The following STARD13 variants were observed in gnomAD, a reference collection of about 807,000 sequenced individuals.
The protein encoded by STARD13 is StAR related lipid transfer domain containing 13.
A neutral mutation model predicts 106.4 loss-of-function variants in STARD13; 62 were observed. That is an observed-to-expected ratio of 0.58 (90% CI 0.48 to 0.72). The LOEUF is 0.72. Ranked by LOEUF, STARD13 falls within the 30% of genes least tolerant of loss-of-function variation. STARD13 has a pLI of 0.00. For synonymous variants in STARD13, 565 were observed against 553.0 expected, an observed-to-expected ratio of 1.02 and a Z score of -0.31; for missense variants, 1,387 against 1,424.0, an observed-to-expected ratio of 0.97 and a Z score of 0.42.
At chr13:33,607,101 T>C in the STARD13 span, among the ~76,000 whole-genome samples, 1 of 151,446 alleles carries the variant, frequency 6.6e-6, no homozygotes, top group African/African-American at 2.4e-5. Context: ...CAGTTTTGTT[T>C]TTTTTTTTTT....
downstream of STARD13, among the ~76,000 whole-genome samples, chr13:33,344,059 G>A (rs1399480972): frequency 2.0e-5 from 3 of 152,124 alleles, no homozygotes; most frequent in East Asian, 3.9e-4. Context: ...AAGTTATTAT[G>A]TGGGAATTAA....
the STARD13 span, among the ~76,000 whole-genome samples, chr13:33,642,615 TTCTGGACTTCAGTTTCCTGA>T: frequency 1.3e-5 from 2 of 152,160 alleles, no homozygotes; most frequent in Non-Finnish European, 2.9e-5. Context: ...CTGCTTAATT[TTCTGGACTTCAGTTTCCTGA>T]TCTCAAACAT....
At chr13:33,534,382 A>C in the STARD13 span, among the ~76,000 whole-genome samples, 3 of 152,224 alleles carry the variant, frequency 2.0e-5, no homozygotes, top group African/African-American at 7.2e-5. Flanking sequence ...GCAGTTTAAG[A>C]ATGTTATGCA....
At chr13:33,451,269 A>G in the STARD13 span, among the ~76,000 whole-genome samples, 1 of 152,224 alleles carries the variant, frequency 6.6e-6, no homozygotes, top group Non-Finnish European at 1.5e-5. Context: ...GGGCTAGATA[A>G]TAAAATACTT....
At chr13:33,625,568 A>AAAAT in the STARD13 span, among the ~76,000 whole-genome samples, 18,100 of 151,656 alleles carry the variant, frequency 0.12, 2,753 homozygotes, top group African/African-American at 0.36. Context: ...GACTGTCTCA[A>AAAAT]AAATAAATAA....
the STARD13 span, among the ~76,000 whole-genome samples, chr13:33,538,651 T>C: frequency 4.0e-5 from 6 of 150,524 alleles, no homozygotes; most frequent in Non-Finnish European, 5.9e-5. Context: ...TTTTTTTTCA[T>C]AAACAAAGAC....
intron 3 of STARD13, among the ~76,000 whole-genome samples, chr13:33,149,159 T>C (rs1417833975): frequency 6.6e-6 from 1 of 152,088 alleles, no homozygotes; most frequent in Non-Finnish European, 1.5e-5. Context: ...ACAGAATATA[T>C]AACACCAAGT....
At chr13:33,408,049 C>T in the STARD13 span, among the ~76,000 whole-genome samples, 1 of 152,206 alleles carries the variant, frequency 6.6e-6, no homozygotes, top group African/African-American at 2.4e-5. Flanking sequence ...CTGTGGTACA[C>T]CCTCAGAGCA....
chr13:33,451,588 C>T, the STARD13 span, among the ~76,000 whole-genome samples: 7 of 152,100 alleles, frequency 4.6e-5, no homozygotes, highest in East Asian at 1.4e-3. Context: ...TACTTTTATA[C>T]ACATTGAGTT....
At chr13:33,661,214 G>T in the STARD13 span, 5 of 152,200 alleles carry the variant, frequency 3.3e-5, no homozygotes, top group African/African-American at 1.2e-4. Context: ...GATATGGAGT[G>T]ACCTAAACTG....
chr13:33,312,843 G>T (rs1421896629), intron 1 of STARD13, among the ~76,000 whole-genome samples: 1 of 152,146 alleles, frequency 6.6e-6, no homozygotes, highest in Non-Finnish European at 1.5e-5. Context: ...AACAACATTT[G>T]TAATAATAAA....
upstream of STARD13, among the ~76,000 whole-genome samples, chr13:33,289,729 T>C (rs528261075): frequency 2.0e-3 from 306 of 152,102 alleles, no homozygotes; most frequent in African/African-American, 7.2e-3. Context: ...TAAAATCCCG[T>C]GGTGATTGAG....
At chr13:33,112,966 C>G in intron 8 of STARD13, 35 bp from the exon 9 acceptor site, 9 of 1,547,706 alleles carry the variant, frequency 5.8e-6, no homozygotes, top group Non-Finnish European at 7.9e-6. Context: ...ATTGGAGGAG[C>G]AGACATAGAA....
chr13:33,549,687 C>A, the STARD13 span, among the ~76,000 whole-genome samples: 2 of 152,180 alleles, frequency 1.3e-5, no homozygotes, highest in African/African-American at 4.8e-5. Context: ...TAATTAGAGC[C>A]GCATTATTGC....
the STARD13 span, among the ~76,000 whole-genome samples, chr13:33,434,928 A>AGGAAGGAC: frequency 6.6e-6 from 1 of 151,848 alleles, no homozygotes; most frequent in Non-Finnish European, 1.5e-5. Context: ...GAAGGAAGGA[A>AGGAAGGAC]GGAAGGAAGG....
chr13:33,371,591 A>G, the STARD13 span, among the ~76,000 whole-genome samples: 1 of 152,224 alleles, frequency 6.6e-6, no homozygotes. Context: ...AGTAAAAACG[A>G]CACTGCACGG....
intron 1 of STARD13, among the ~76,000 whole-genome samples, chr13:33,170,523 A>C (rs916214825): frequency 6.6e-6 from 1 of 152,194 alleles, no homozygotes; most frequent in African/African-American, 2.4e-5. Flanking sequence ...AACCCAGATA[A>C]ATCAATCATT....
At chr13:33,375,542 G>A in the STARD13 span, among the ~76,000 whole-genome samples, 2 of 152,128 alleles carry the variant, frequency 1.3e-5, no homozygotes, top group East Asian at 3.9e-4. Context: ...AGGGCTGGGG[G>A]AGGCCTCAGG....
At chr13:33,158,065 T>C (rs1479926697) in intron 3 of STARD13, among the ~76,000 whole-genome samples, 1 of 152,190 alleles carries the variant, frequency 6.6e-6, no homozygotes, top group Admixed American at 6.5e-5. Context: ...CAAACATTTA[T>C]GGAGTGTCTA....
Sources: gnomAD v4.1 joint callset for allele counts (sites outside exome capture counted in the v4.1 genomes callset) on GRCh38, gnomAD v4.1.1 for gene constraint, MANE v1.5 for transcripts, NCBI Gene and HGNC (gene_info 2026-07-23, HGNC 2026-07-21) for gene names.